Variants in APBB2 observed in about 807,000 individuals in gnomAD.
APBB2 encodes the protein amyloid beta precursor protein binding family B member 2.
In APBB2, 38 loss-of-function variants were observed where a neutral mutation model predicts 82.5. The ratio of observed to expected loss-of-function variants is 0.46; its 90% CI spans 0.36 to 0.60. APBB2 has a LOEUF of 0.60. Ranked by LOEUF, APBB2 falls within the 20% of genes least tolerant of loss-of-function variation. APBB2 has a pLI of 0.00. For missense variants in APBB2, 772 were observed against 972.3 expected, an observed-to-expected ratio of 0.79 and a Z score of 2.74; for synonymous variants, 341 against 368.2, an observed-to-expected ratio of 0.93 and a Z score of 0.85.
chr4:41,147,635 C>T (rs1029788334), intron 1 of APBB2, among the ~76,000 whole-genome samples: 5 of 151,994 alleles, frequency 3.3e-5, no homozygotes, highest in South Asian at 2.1e-4. Flanking sequence ...GGATTACAGG[C>T]GCGCACCACC....
intron 7 of APBB2, among the ~76,000 whole-genome samples, chr4:40,943,522 C>T (rs1787574448): frequency 6.6e-6 from 1 of 152,132 alleles, no homozygotes; most frequent in Admixed American, 6.5e-5. Flanking sequence ...CAGGGGGAAT[C>T]CCAGGATCCA....
At chr4:41,065,017 G>A (rs1233277819) in intron 4 of APBB2, among the ~76,000 whole-genome samples, 1 of 152,214 alleles carries the variant, frequency 6.6e-6, no homozygotes, top group Non-Finnish European at 1.5e-5. Flanking sequence ...CAGGCATGGT[G>A]GCTCATGCCT....
At chr4:40,849,035 G>A in intron 12 of APBB2, 1 of 312,606 alleles carries the variant, frequency 3.2e-6, no homozygotes, top group Non-Finnish European at 4.6e-6. Context: ...TCTTGAATAT[G>A]TGAATAAATA....
intron 12 of APBB2, among the ~76,000 whole-genome samples, chr4:40,857,423 G>C (rs2154331905): frequency 6.6e-6 from 1 of 152,320 alleles, no homozygotes; most frequent in Non-Finnish European, 1.5e-5. Context: ...CAAACCCACT[G>C]AACCTCTTTA....
intron 4 of APBB2, among the ~76,000 whole-genome samples, chr4:41,041,872 A>C (rs917571308): frequency 5.9e-5 from 9 of 152,260 alleles, no homozygotes; most frequent in Non-Finnish European, 8.8e-5. Flanking sequence ...TATTTTCAAG[A>C]TATAACATTA....
At chr4:40,926,265 C>G (rs971945821) in intron 10 of APBB2, among the ~76,000 whole-genome samples, 3 of 152,156 alleles carry the variant, frequency 2.0e-5, no homozygotes, top group African/African-American at 7.2e-5. Flanking sequence ...TCATGTCCCA[C>G]CCCAGAGCAA....
At chr4:40,976,831 G>T (rs570468416) in intron 6 of APBB2, among the ~76,000 whole-genome samples, 3 of 152,092 alleles carry the variant, frequency 2.0e-5, no homozygotes, top group Non-Finnish European at 4.4e-5. Context: ...CTTGAGCCTA[G>T]GAGTTTGAGA....
At chr4:41,088,078 T>C (rs1740440011) in intron 3 of APBB2, among the ~76,000 whole-genome samples, 1 of 152,200 alleles carries the variant, frequency 6.6e-6, no homozygotes, top group Non-Finnish European at 1.5e-5. Flanking sequence ...GAATTCGTGA[T>C]TGACAAGGAC....
At chr4:40,817,124 C>T (rs1746001565) in intron 17 of APBB2, among the ~76,000 whole-genome samples, 1 of 151,644 alleles carries the variant, frequency 6.6e-6, no homozygotes, top group Non-Finnish European at 1.5e-5. Flanking sequence ...TACAGTTGAC[C>T]TGGCCAGTCA....
intron 12 of APBB2, among the ~76,000 whole-genome samples, chr4:40,887,953 C>T (rs1334358411): frequency 1.3e-5 from 2 of 152,208 alleles, no homozygotes; most frequent in Non-Finnish European, 2.9e-5. Context: ...GGAAGCTCTT[C>T]CTGCTTTGTA....
chr4:40,986,763 G>A (rs13105816), intron 6 of APBB2, among the ~76,000 whole-genome samples: 39,881 of 152,092 alleles, frequency 0.26, 6,370 homozygotes, highest in East Asian at 0.54. Flanking sequence ...CACAGCCCTC[G>A]TGAAAGCACT....
intron 6 of APBB2, among the ~76,000 whole-genome samples, chr4:41,007,767 A>G (rs1263253011): frequency 2.0e-5 from 3 of 152,234 alleles, no homozygotes; most frequent in Non-Finnish European, 4.4e-5. Context: ...CCAGCAAATG[A>G]GTAACTTTAT....
chr4:40,971,611 T>C (rs981690082), intron 6 of APBB2, among the ~76,000 whole-genome samples: 1 of 152,062 alleles, frequency 6.6e-6, no homozygotes, highest in Non-Finnish European at 1.5e-5. Flanking sequence ...AACGTTTTCC[T>C]TATATGGTCA....
intron 6 of APBB2, among the ~76,000 whole-genome samples, chr4:40,961,436 T>G (rs980871035): frequency 1.8e-4 from 23 of 130,912 alleles, no homozygotes; most frequent in African/African-American, 6.2e-4. Context: ...TAGGTGGGAA[T>G]TGAACAATGA....
At chr4:40,877,706 T>G (rs1284147773) in intron 12 of APBB2, among the ~76,000 whole-genome samples, 1 of 152,180 alleles carries the variant, frequency 6.6e-6, no homozygotes, top group Non-Finnish European at 1.5e-5. Flanking sequence ...TTTGATTCTG[T>G]GAGTTGAAGA....
At chr4:41,124,658 A>T (rs904359623) in intron 2 of APBB2, among the ~76,000 whole-genome samples, 2 of 152,222 alleles carry the variant, frequency 1.3e-5, no homozygotes, top group African/African-American at 4.8e-5. Context: ...GTCTTGATAA[A>T]ATACATTCTA....
chr4:40,878,010 A>C (rs1265291670), intron 12 of APBB2, among the ~76,000 whole-genome samples: 1 of 152,040 alleles, frequency 6.6e-6, no homozygotes, highest in African/African-American at 2.4e-5. Flanking sequence ...GCATTTTCCT[A>C]AAGGGGCAGA....
chr4:41,075,763 G>A (rs538109653), intron 3 of APBB2, among the ~76,000 whole-genome samples: 53 of 152,150 alleles, frequency 3.5e-4, no homozygotes, highest in Non-Finnish European at 6.3e-4. Context: ...GGTCAGACTT[G>A]GAATGTATAC....
At chr4:40,997,828 A>G (rs1387426409) in intron 6 of APBB2, among the ~76,000 whole-genome samples, 2 of 152,160 alleles carry the variant, frequency 1.3e-5, no homozygotes, top group African/African-American at 4.8e-5. Flanking sequence ...AAAAATTATT[A>G]ATTTTATTAA....
Sources: gnomAD v4.1 joint callset for allele counts (sites outside exome capture counted in the v4.1 genomes callset) on GRCh38, gnomAD v4.1.1 for gene constraint, MANE v1.5 for transcripts, NCBI Gene and HGNC (gene_info 2026-07-23, HGNC 2026-07-21) for gene names.